The following PAK5 variants were observed in gnomAD, a reference collection of about 807,000 sequenced individuals.
PAK5 encodes serine/threonine-protein kinase PAK 5.
Under a neutral mutation model 65.9 loss-of-function variants are expected in PAK5, and 16 were observed. That is an observed-to-expected ratio of 0.24 (90% CI 0.16 to 0.37). The LOEUF (loss-of-function observed/expected upper bound fraction) is 0.37, where lower values mean the gene tolerates loss of function less well. Among genes scored for constraint, PAK5 ranks in the 10% least tolerant of loss-of-function variants. The probability of loss-of-function intolerance (pLI) is 1.00; values close to 1 mark genes in which losing one functional copy is unlikely to be tolerated. For synonymous variants in PAK5, 371 were observed against 354.9 expected, an observed-to-expected ratio of 1.05 and a Z score of -0.51; for missense variants, 785 against 903.9, an observed-to-expected ratio of 0.87 and a Z score of 1.69.
At chr20:9,569,769 C>G (rs1229344891) in intron 4 of PAK5, among the ~76,000 whole-genome samples, 1 of 149,284 alleles carries the variant, frequency 6.7e-6, no homozygotes, top group Non-Finnish European at 1.5e-5. Flanking sequence ...GCACCATTCT[C>G]AGTCCCCCAA....
At chr20:9,782,288 C>T (rs2048948822) in intron 1 of PAK5, among the ~76,000 whole-genome samples, 1 of 152,128 alleles carries the variant, frequency 6.6e-6, no homozygotes, top group South Asian at 2.1e-4. Context: ...CTGGGCCATC[C>T]TGTTTATTAC....
chr20:9,734,118 G>A (rs2048363174), intron 1 of PAK5, among the ~76,000 whole-genome samples: 1 of 152,162 alleles, frequency 6.6e-6, no homozygotes, highest in African/African-American at 2.4e-5. Flanking sequence ...AATTTATCCT[G>A]TTAACTCTAC....
chr20:9,591,451 C>T (rs907550256), intron 3 of PAK5, among the ~76,000 whole-genome samples: 2 of 151,978 alleles, frequency 1.3e-5, no homozygotes, highest in Non-Finnish European at 2.9e-5. Flanking sequence ...TAAAATATTT[C>T]CAGAAACAAA....
At chr20:9,747,095 T>C (rs934950687) in intron 1 of PAK5, among the ~76,000 whole-genome samples, 1 of 152,034 alleles carries the variant, frequency 6.6e-6, no homozygotes, top group Non-Finnish European at 1.5e-5. Context: ...AAGAAATGGA[T>C]AAATTCCTCG....
intron 7 of PAK5, among the ~76,000 whole-genome samples, chr20:9,552,014 A>G (rs2045436262): frequency 6.6e-6 from 1 of 152,224 alleles, no homozygotes; most frequent in Non-Finnish European, 1.5e-5. Context: ...CAGGGCACCA[A>G]CGGCATTTGC....
intron 1 of PAK5, among the ~76,000 whole-genome samples, chr20:9,789,971 G>T (rs1195144088): frequency 6.6e-6 from 1 of 152,104 alleles, no homozygotes; most frequent in East Asian, 1.9e-4. Flanking sequence ...TTACGCCCAA[G>T]CTGCAAGTAA....
chr20:9,697,126 C>G (rs2047879677), intron 2 of PAK5, among the ~76,000 whole-genome samples: 1 of 152,052 alleles, frequency 6.6e-6, no homozygotes. Flanking sequence ...CAAAAGACTT[C>G]TTGCCATCTA....
At chr20:9,719,228 C>G (rs1314032279) in intron 1 of PAK5, among the ~76,000 whole-genome samples, 2 of 152,154 alleles carry the variant, frequency 1.3e-5, no homozygotes, top group Non-Finnish European at 2.9e-5. Context: ...CTATGACATA[C>G]GGGACTGCAT....
At chr20:9,763,420 T>C (rs898589978) in intron 1 of PAK5, among the ~76,000 whole-genome samples, 7 of 152,242 alleles carry the variant, frequency 4.6e-5, no homozygotes, top group African/African-American at 1.7e-4. Flanking sequence ...TAAATATGTA[T>C]AGCTTCTTAC....
chr20:9,831,618 C>T (rs1488784419), intron 1 of PAK5, among the ~76,000 whole-genome samples: 1 of 152,170 alleles, frequency 6.6e-6, no homozygotes, highest in Non-Finnish European at 1.5e-5. Context: ...GACATTCCTT[C>T]CACCTCAGCC....
chr20:9,628,957 G>A (rs903695340), intron 3 of PAK5, among the ~76,000 whole-genome samples: 5 of 152,176 alleles, frequency 3.3e-5, no homozygotes, highest in Admixed American at 6.5e-5. Flanking sequence ...TGTGCTCCAT[G>A]TGATCTCAGA....
chr20:9,775,651 T>C (rs1465144804), intron 1 of PAK5, among the ~76,000 whole-genome samples: 1 of 152,228 alleles, frequency 6.6e-6, no homozygotes, highest in African/African-American at 2.4e-5. Flanking sequence ...ACCAAGGTAA[T>C]TATTACAATC....
intron 1 of PAK5, among the ~76,000 whole-genome samples, chr20:9,741,644 A>C (rs1194097809): frequency 1.3e-5 from 2 of 152,150 alleles, no homozygotes; most frequent in Admixed American, 6.6e-5. Context: ...TATTCTGAGG[A>C]GAAAATGTGA....
chr20:9,556,162 G>A (rs572675458), intron 7 of PAK5, among the ~76,000 whole-genome samples: 3 of 152,260 alleles, frequency 2.0e-5, no homozygotes, highest in East Asian at 1.9e-4. Flanking sequence ...CTACTGTACC[G>A]TTCTTTCTTA....
chr20:9,803,471 G>GGAGATATTTTATATGAT (rs1244349914), intron 1 of PAK5, among the ~76,000 whole-genome samples: 2 of 152,084 alleles, frequency 1.3e-5, no homozygotes. Context: ...ATGTGAAAAT[G>GGAGATATTTTATATGAT]GAGATATTTT....
At chr20:9,747,365 G>A (rs567929663) in intron 1 of PAK5, among the ~76,000 whole-genome samples, 179 of 151,818 alleles carry the variant, frequency 1.2e-3, no homozygotes, top group African/African-American at 4.1e-3. Context: ...TACCAAAGCC[G>A]GGCAGAGACA....
chr20:9,822,724 C>T (rs1433873851), intron 1 of PAK5, among the ~76,000 whole-genome samples: 1 of 152,190 alleles, frequency 6.6e-6, no homozygotes, highest in Non-Finnish European at 1.5e-5. Flanking sequence ...TAGTATCCAC[C>T]CATATGCCTA....
chr20:9,637,115 C>T (rs1368967162), intron 3 of PAK5, among the ~76,000 whole-genome samples: 1 of 152,156 alleles, frequency 6.6e-6, no homozygotes, highest in Non-Finnish European at 1.5e-5. Context: ...ATCCTCCCAC[C>T]TCAGCCTCTA....
chr20:9,633,046 T>C (rs2046942302), intron 3 of PAK5, among the ~76,000 whole-genome samples: 2 of 152,166 alleles, frequency 1.3e-5, no homozygotes, highest in South Asian at 2.1e-4. Flanking sequence ...CTAAGTAAGA[T>C]AGTATCAGTC....
Sources: allele counts gnomAD v4.1 joint callset (sites outside exome capture counted in the v4.1 genomes callset), GRCh38; gene constraint gnomAD v4.1.1; transcripts MANE v1.5; gene names NCBI Gene and HGNC (gene_info 2026-07-23, HGNC 2026-07-21).